TNS1: variants seen among roughly 807,000 people sequenced by gnomAD.
TNS1 encodes tensin 1.
Under a neutral mutation model 168.6 loss-of-function variants are expected in TNS1, and 62 were observed. The ratio of observed to expected loss-of-function variants is 0.37; its 90% confidence interval spans 0.30 to 0.45. The LOEUF (loss-of-function observed/expected upper bound fraction) is 0.45, where lower values mean the gene tolerates loss of function less well. Ranked by LOEUF, TNS1 falls within the 20% of genes least tolerant of loss-of-function variation. The probability of loss-of-function intolerance (pLI) is 1.00; values close to 1 mark genes in which losing one functional copy is unlikely to be tolerated. For missense variants in TNS1, 2,240 were observed against 2,339.4 expected (o/e 0.96, Z 0.88); for synonymous variants, 934 against 933.2 (o/e 1.00, Z -0.02).
intron 18 of TNS1, among the ~76,000 whole-genome samples, chr2:217,868,402 G>A (rs1048942288): frequency 2.8e-4 from 43 of 151,730 alleles, no homozygotes; most frequent in Non-Finnish European, 3.7e-4. Flanking sequence ...ATGGGGAAAA[G>A]ATTCACAGAC....
chr2:218,030,954 T>A (rs1958887088), intron 1 of TNS1, among the ~76,000 whole-genome samples: 1 of 152,032 alleles, frequency 6.6e-6, no homozygotes, highest in African/African-American at 2.4e-5. Context: ...AGTGTGTATG[T>A]GTGTGAGCAT....
chr2:217,946,367 C>T (rs1957105459), intron 3 of TNS1, among the ~76,000 whole-genome samples: 1 of 152,182 alleles, frequency 6.6e-6, no homozygotes, highest in African/African-American at 2.4e-5. Flanking sequence ...TGTCTCCCTT[C>T]CCCTTTCCTC....
At chr2:217,806,777 T>C (rs967924901) in intron 32 of TNS1, among the ~76,000 whole-genome samples, 2 of 152,236 alleles carry the variant, frequency 1.3e-5, no homozygotes, top group Non-Finnish European at 2.9e-5. Context: ...ACTAGCCTCC[T>C]CCTGCCTCTG....
At chr2:217,805,578 A>G (rs1196927995) in intron 32 of TNS1, among the ~76,000 whole-genome samples, 3 of 39,298 alleles carry the variant, frequency 7.6e-5, no homozygotes, top group Non-Finnish European at 1.2e-4. Flanking sequence ...CACACACCAC[A>G]CACACAACAC....
At chr2:217,902,710 T>C (rs1325227225) in intron 6 of TNS1, among the ~76,000 whole-genome samples, 1 of 152,022 alleles carries the variant, frequency 6.6e-6, no homozygotes, top group Admixed American at 6.5e-5. Flanking sequence ...CCAAGCCCGC[T>C]CTGCTCCACC....
At chr2:217,828,048 T>A (rs906698128) in intron 22 of TNS1, among the ~76,000 whole-genome samples, 50 of 152,200 alleles carry the variant, frequency 3.3e-4, no homozygotes, top group African/African-American at 1.2e-3. Context: ...ACAGAAACGT[T>A]GGCTCTGAGC....
intron 2 of TNS1, among the ~76,000 whole-genome samples, chr2:217,987,593 C>T (rs1172169457): frequency 6.6e-6 from 1 of 152,214 alleles, no homozygotes; most frequent in Non-Finnish European, 1.5e-5. Context: ...TCTAAAAGAG[C>T]TTCCTCACTG....
At chr2:217,839,031 C>A (rs1284236816) in intron 19 of TNS1, among the ~76,000 whole-genome samples, 1 of 151,514 alleles carries the variant, frequency 6.6e-6, no homozygotes, top group Non-Finnish European at 1.5e-5. Flanking sequence ...AGGCAGGTGC[C>A]TTGCACAGAC....
rs992003780 is a variant in TNS1, at chr2:218,033,057, G to T, written c.156+763C>A. Reference sequence around the variant, plus strand: ...AGGCACCTGCCCCATGTCAAAGCTGGCTGTGTGGGAGGTGGGGAGGCAGGG... The same window carrying T: ...AGGCACCTGCCCCATGTCAAAGCTGTCTGTGTGGGAGGTGGGGAGGCAGGG... On this transcript the variant is annotated intron_variant, in intron 1 of 1. Transcript: ENST00000649572. The surrounding 1 kb of genome is among the most constrained non-coding windows in gnomAD (Gnocchi z 4.3). Among the ~76,000 whole-genome samples the T allele has an allele frequency of 6.6e-6, 1 of 152,266 alleles. No homozygotes were observed. Among genetic ancestry groups the T allele is most frequent in the African/African-American group, 2.4e-5 (1 of 41,534 alleles).
chr2:217,804,965 C>T (rs1429549340), intron 32 of TNS1, among the ~76,000 whole-genome samples: 1 of 151,984 alleles, frequency 6.6e-6, no homozygotes, highest in African/African-American at 2.4e-5. Flanking sequence ...CAGCCCTACC[C>T]CTACTGACTG....
intron 1 of TNS1, among the ~76,000 whole-genome samples, chr2:218,025,379 G>T (rs1176965722): frequency 6.6e-6 from 1 of 152,088 alleles, no homozygotes; most frequent in Non-Finnish European, 1.5e-5. Context: ...CTCCCGAGTT[G>T]TTGGTATGAC....
At chr2:217,826,910 T>C (rs4674218) in intron 22 of TNS1, among the ~76,000 whole-genome samples, 26,022 of 152,116 alleles carry the variant, frequency 0.17, 2,452 homozygotes, top group Middle Eastern at 0.28. Flanking sequence ...CCAAAGAGGC[T>C]CTTTGCTTGG....
At chr2:217,944,699 GAAATAC>G (rs1036903657) in intron 3 of TNS1, among the ~76,000 whole-genome samples, 1 of 152,220 alleles carries the variant, frequency 6.6e-6, no homozygotes, top group Non-Finnish European at 1.5e-5. Context: ...TCCAGTTAAT[GAAATAC>G]ATGCTTCAAC....
chr2:217,809,688 AAGAT>A lies in TNS1; in HGVS notation c.5273+131_5273+134del, dbSNP rs1940456305. Reference sequence around the variant, plus strand: ...AGCTGGGTAGATGGGAGGTAGATGCAAGATAGATGGATGAGAAGGTAGATGAGCA... The same window carrying A: ...AGCTGGGTAGATGGGAGGTAGATGCAAGATGGATGAGAAGGTAGATGAGCA... On this transcript the variant is annotated intron_variant, in intron 30 of 32. Coordinates refer to ENST00000682258, the MANE Select transcript of TNS1 (RefSeq NM_001387777.1). The A allele has an allele frequency of 4.3e-6, 4 of 935,904 alleles. No homozygotes were observed. In the East Asian group the frequency reaches 1.0e-4, roughly 24 times the overall value. The allele number at this position is 935,904 out of a possible 1,614,324, so 58.0% of individuals were successfully genotyped here.
At chr2:217,940,819 C>T (rs968130240) in intron 3 of TNS1, among the ~76,000 whole-genome samples, 8 of 152,156 alleles carry the variant, frequency 5.3e-5, no homozygotes, top group South Asian at 2.1e-4. Context: ...CAAGCCCACC[C>T]GGAAGCACTC....
intron 3 of TNS1, among the ~76,000 whole-genome samples, chr2:217,926,187 T>C (rs1012338214): frequency 2.6e-5 from 4 of 152,186 alleles, no homozygotes; most frequent in African/African-American, 9.7e-5. Context: ...ACACTGCTCA[T>C]ACCTTGATCT....
intron 3 of TNS1, among the ~76,000 whole-genome samples, chr2:217,944,719 C>G (rs1252245400): frequency 6.6e-6 from 1 of 152,190 alleles, no homozygotes; most frequent in African/African-American, 2.4e-5. Context: ...CTTCAACTCT[C>G]TTTGAAATGG....
chr2:217,813,296 G>T lies in TNS1; in HGVS notation c.4873C>A (p.His1625Asn). Reference protein sequence around the residue: ...MQQNKKGDMTHELVRHFLIET... With the variant: ...MQQNKKGDMTNELVRHFLIET... Reference sequence around the variant, plus strand: ...ATCAGAAAATGCCTGACCAGCTCATGGGTCATGTCTCCTGGGACAAAGAGA... The same window carrying T: ...ATCAGAAAATGCCTGACCAGCTCATTGGTCATGTCTCCTGGGACAAAGAGA... The change falls in exon 27 of 33, where the codon CAT (histidine) becomes AAT (asparagine). Residue 1625 changes from histidine to asparagine, a missense_variant. Around this residue, in one of 2 missense-constraint regions of TNS1, gnomAD observed 2,131 missense variants for 2,171.2 expected, o/e 0.98. Transcript: ENST00000682258. The surrounding 1 kb of genome is among the most constrained non-coding windows in gnomAD (Gnocchi z 4.0). 1 of 1,588,360 alleles carries T rather than the reference G, an allele frequency of 6.3e-7. No individual in the cohort carries two copies.
At chr2:217,864,534 G>A (rs181184927) in intron 18 of TNS1, among the ~76,000 whole-genome samples, 1 of 152,302 alleles carries the variant, frequency 6.6e-6, no homozygotes, top group East Asian at 1.9e-4. Flanking sequence ...AGGAGATGGA[G>A]GAGGCAAAGG....
Sources: gnomAD v4.1 joint callset for allele counts (sites outside exome capture counted in the v4.1 genomes callset) on GRCh38, gnomAD v4.1.1 for gene constraint, gnomAD v4.1.1 regional missense constraint, Gnocchi (gnomAD v3.1) non-coding constraint, MANE v1.5 for transcripts, NCBI Gene and HGNC (gene_info 2026-07-23, HGNC 2026-07-21) for gene names.